The following VBP1 variants were observed in gnomAD, a reference collection of about 807,000 sequenced individuals.
The protein encoded by VBP1 is VHL binding protein 1, also known as prefoldin subunit 3.
A neutral mutation model predicts 15.5 loss-of-function variants in VBP1; 4 were observed. The ratio of observed to expected loss-of-function variants is 0.26; its 90% CI spans 0.13 to 0.59. VBP1 has a LOEUF of 0.59. Among genes scored for constraint, VBP1 ranks in the 20% least tolerant of loss-of-function variants. VBP1 has a pLI of 0.90. For missense variants in VBP1, 108 were observed against 139.6 expected (o/e 0.77, Z 1.14); for synonymous variants, 61 against 52.1 (o/e 1.17, Z -0.74).
intron 4 of VBP1, among the ~76,000 whole-genome samples, chrX:155,229,043 T>G (rs1379375200): frequency 3.6e-5 from 4 of 112,009 alleles, no homozygotes; most frequent in Admixed American, 9.5e-5. Flanking sequence ...GCTACCTGTC[T>G]GTGGATCTTG....
At chrX:155,228,333 G>A in intron 3 of VBP1, 51 bp from the exon 4 acceptor site, 1 of 975,374 alleles carries the variant, frequency 1.0e-6, no homozygotes, top group Non-Finnish European at 1.4e-6. Context: ...TATAACCTTG[G>A]TATCAAACTG....
intron 2 of VBP1, among the ~76,000 whole-genome samples, chrX:155,210,023 A>C (rs2074639120): frequency 9.0e-6 from 1 of 111,284 alleles, no homozygotes; most frequent in African/African-American, 3.3e-5. Flanking sequence ...GAAGACATTC[A>C]ATACTCTTGA....
Position 155,216,537 on chromosome X carries a change from C to T in VBP1, c.55C>T (p.Arg19Trp), listed in dbSNP as rs782752735. 2.7e-5 allele frequency: 31 copies of T among 1,169,554 alleles called. No homozygotes were observed. In the East Asian group the frequency reaches 9.7e-4, roughly 37 times the overall value. Reference sequence around the variant, plus strand: ...AGGAGAAATGGCCACAGGGAATGGGCGGCGGCTCCACCTGGGGATTCCTGA... The same window carrying T: ...AGGAGAAATGGCCACAGGGAATGGGTGGCGGCTCCACCTGGGGATTCCTGA... The part of the protein sequence containing the change: ...GKGEMATGNG[R>W]RLHLGIPEAV... The change falls in exon 1 of 6, where the codon CGG becomes TGG. Residue 19 changes from arginine (R) to tryptophan (W), a missense_variant. Arg to Trp is a moderately radical substitution (Grantham distance 101). Transcript: ENST00000286428.
intron 2 of VBP1, among the ~76,000 whole-genome samples, chrX:155,211,174 T>C (rs1275545348): frequency 8.9e-6 from 1 of 111,854 alleles, no homozygotes; most frequent in Non-Finnish European, 1.9e-5. Flanking sequence ...CTACACTTAG[T>C]GTCTCTGGCA....
chrX:155,231,895 AT>A (rs1347189774), intron 4 of VBP1, among the ~76,000 whole-genome samples: 1 of 110,990 alleles, frequency 9.0e-6, no homozygotes, highest in Non-Finnish European at 1.9e-5. Context: ...TGTAGTAAAT[AT>A]TTTTGCACAT....
intron 1 of VBP1, among the ~76,000 whole-genome samples, chrX:155,198,722 G>A (rs2074588771): frequency 1.8e-5 from 2 of 111,757 alleles, no homozygotes; most frequent in African/African-American, 6.5e-5. Context: ...CCAAAGGAAC[G>A]CAGTTCCTCA....
intron 1 of VBP1, among the ~76,000 whole-genome samples, chrX:155,205,460 A>G (rs1557307964): frequency 4.5e-5 from 5 of 111,337 alleles, no homozygotes. Flanking sequence ...CCTCCTTAAT[A>G]CATCTTTCTT....
At chrX:155,215,999 AG>A (rs1481610224), upstream of VBP1, among the ~76,000 whole-genome samples, 3 of 111,285 alleles carry the variant, frequency 2.7e-5, no homozygotes, top group Non-Finnish European at 5.7e-5. Flanking sequence ...GTTCCCTTCA[AG>A]GGGCAGGAAG....
At chrX:155,205,500 C>T (rs2074623123) in intron 1 of VBP1, among the ~76,000 whole-genome samples, 1 of 111,522 alleles carries the variant, frequency 9.0e-6, no homozygotes, top group African/African-American at 3.3e-5. Context: ...TGAGCAAATG[C>T]AATGGCCTTT....
chrX:155,228,277 T>C, intron 3 of VBP1, 107 bp from the exon 4 acceptor site: 1 of 595,231 alleles, frequency 1.7e-6, no homozygotes, highest in Non-Finnish European at 2.6e-6. Flanking sequence ...GCCTGCATGA[T>C]GGTACTGTTT....
intron 4 of VBP1, among the ~76,000 whole-genome samples, chrX:155,231,872 C>T (rs1249472531): frequency 9.0e-6 from 1 of 111,576 alleles, no homozygotes; most frequent in Non-Finnish European, 1.9e-5. Context: ...ATTTCTTGTA[C>T]AGTGAGCGGT....
chrX:155,208,763 T>C, intron 1 of VBP1: 2 of 418,638 alleles, frequency 4.8e-6, no homozygotes, highest in Admixed American at 9.3e-5. Context: ...TATTAAATAT[T>C]AATATAATAT....
At chrX:155,209,564 A>G (rs1557308355) in intron 2 of VBP1, among the ~76,000 whole-genome samples, 1 of 112,469 alleles carries the variant, frequency 8.9e-6, no homozygotes. Flanking sequence ...AGGCAGAAAG[A>G]ATAGGTTGAA....
intron 1 of VBP1, among the ~76,000 whole-genome samples, chrX:155,218,872 C>A (rs1218392869): frequency 1.8e-5 from 2 of 112,074 alleles, no homozygotes; most frequent in African/African-American, 3.2e-5. Flanking sequence ...GGATTCAAAC[C>A]AGGCACCTCC....
chrX:155,228,363 A>ATT (rs57301248), intron 3 of VBP1, 21 bp from the exon 4 acceptor site: 12,167 of 874,544 alleles, frequency 0.014, no homozygotes, highest in East Asian at 0.016. Context: ...TGGTACTGTC[A>ATT]TTTTTTTTTT....
Position 155,216,461 on chromosome X carries a change from G to C in VBP1, c.-22G>C, listed in dbSNP as rs2074663953. The stretch of plus-strand genomic sequence containing the variant: ...CCGGCGGCCGGCGGCCCGGGAGGCA[G>C]TCGCGCGCTCGCATCCCCAAGATGG... On this transcript the variant is annotated 5_prime_UTR_variant, in exon 1 of 6. Coordinates refer to ENST00000286428, the MANE Select transcript of VBP1 (RefSeq NM_003372.7). 8.6e-7 allele frequency: 1 copy of C among 1,163,324 alleles called. No homozygotes were observed. Among genetic ancestry groups the C allele is most frequent in the Non-Finnish European group, 1.1e-6 (1 of 871,097 alleles).
At chrX:155,198,807 C>T (rs1366253114) in intron 1 of VBP1, among the ~76,000 whole-genome samples, 6 of 111,910 alleles carry the variant, frequency 5.4e-5, no homozygotes, top group Middle Eastern at 4.7e-3. Flanking sequence ...GATCAAACTA[C>T]TCCGAGCTAC....
chrX:155,204,132 G>C (rs2074617799), intron 1 of VBP1, among the ~76,000 whole-genome samples: 1 of 111,561 alleles, frequency 9.0e-6, no homozygotes. Flanking sequence ...CTGTTTGCTA[G>C]AGAACCATAA....
At chrX:155,223,803 C>T (rs1269557990) in intron 2 of VBP1, among the ~76,000 whole-genome samples, 5 of 101,034 alleles carry the variant, frequency 4.9e-5, no homozygotes, top group Non-Finnish European at 1.0e-4. Flanking sequence ...ACCTCCCGGA[C>T]GGGGCGGCTG....
Sources: gnomAD v4.1 joint callset for allele counts (sites outside exome capture counted in the v4.1 genomes callset) on GRCh38, gnomAD v4.1.1 for gene constraint, MANE v1.5 for transcripts, NCBI Gene and HGNC (gene_info 2026-07-23, HGNC 2026-07-21) for gene names.